STT3A: variants seen among roughly 807,000 people sequenced by gnomAD.
The protein encoded by STT3A is dolichyl-diphosphooligosaccharide--protein glycosyltransferase subunit STT3A.
Under a neutral mutation model 89.2 loss-of-function variants are expected in STT3A, and 34 were observed. That is an observed-to-expected ratio of 0.38 (90% CI 0.29 to 0.51). The LOEUF (loss-of-function observed/expected upper bound fraction) is 0.51, where lower values mean the gene tolerates loss of function less well. STT3A is among the 20% of genes least tolerant of loss of function. STT3A has a pLI of 0.89. For missense variants in STT3A, 555 were observed against 889.5 expected, an observed-to-expected ratio of 0.62 and a Z score of 4.78; for synonymous variants, 282 against 310.3, an observed-to-expected ratio of 0.91 and a Z score of 0.96.
chr11:125,596,089 C>T, intron 2 of STT3A, 86 bp downstream of exon 2: 1 of 1,022,782 alleles, frequency 9.8e-7, no homozygotes, highest in South Asian at 1.4e-5. Context: ...CTTAAAATGC[C>T]TTGTTCTTTT....
intron 10 of STT3A, chr11:125,609,883 T>C: frequency 2.9e-6 from 1 of 340,594 alleles, no homozygotes; most frequent in Non-Finnish European, 5.3e-6. Flanking sequence ...GTTTGAGTAC[T>C]TCTGTCGTAC....
At chr11:125,600,230 A>G (rs1467526770) in intron 3 of STT3A, among the ~76,000 whole-genome samples, 2 of 151,858 alleles carry the variant, frequency 1.3e-5, no homozygotes, top group Non-Finnish European at 2.9e-5. Context: ...TTGTATTTTT[A>G]GTAGAGACAG....
chr11:125,602,177 G>T, intron 3 of STT3A, 126 bp from the exon 4 acceptor site: 2 of 1,133,244 alleles, frequency 1.8e-6, no homozygotes, highest in Admixed American at 2.5e-5. Flanking sequence ...AGTGTAAAAT[G>T]ATTTTCATGG....
At chr11:125,617,300 T>C (rs77506332) in intron 15 of STT3A, among the ~76,000 whole-genome samples, 17,136 of 152,200 alleles carry the variant, frequency 0.11, 1,478 homozygotes, top group African/African-American at 0.24. Context: ...GATACTCTTA[T>C]TTTTCTAATT....
At chr11:125,619,978 G>C (rs769915154) in intron 16 of STT3A, 33 bp from the exon 17 acceptor site, 17 of 1,563,066 alleles carry the variant, frequency 1.1e-5, no homozygotes, top group Non-Finnish European at 1.5e-5. Flanking sequence ...TAGCACTGTA[G>C]AAAGAAGTGT....
intron 9 of STT3A, 45 bp from the exon 10 acceptor site, chr11:125,609,389 G>C (rs1939933684): frequency 2.6e-6 from 4 of 1,529,346 alleles, no homozygotes; most frequent in Non-Finnish European, 3.5e-6. Context: ...TCAGATGTTT[G>C]TTTGAAGAGT....
chr11:125,615,228 T>C (rs1182310325), intron 15 of STT3A, among the ~76,000 whole-genome samples: 1 of 152,058 alleles, frequency 6.6e-6, no homozygotes, highest in African/African-American at 2.4e-5. Flanking sequence ...CATTGCGCCA[T>C]TGGACTCCAG....
intron 10 of STT3A, chr11:125,610,585 T>A (rs951015570): frequency 3.3e-5 from 5 of 152,038 alleles, no homozygotes; most frequent in African/African-American, 1.2e-4. Context: ...GGAATTGTAG[T>A]TCACATCAGT....
At chr11:125,604,110 C>G (rs372789459) in intron 5 of STT3A, 47 bp from the exon 6 acceptor site, 2 of 1,590,454 alleles carry the variant, frequency 1.3e-6, no homozygotes, top group Non-Finnish European at 1.7e-6. Flanking sequence ...TGTTCTTTCT[C>G]AGCATTGTAT....
chr11:125,612,820 G>T (rs988342271), intron 12 of STT3A, 73 bp downstream of exon 12: 2 of 1,566,266 alleles, frequency 1.3e-6, no homozygotes, highest in Admixed American at 3.5e-5. Context: ...TGGGCAGCGG[G>T]GGGTGGGAGG....
chr11:125,604,255 T>C lies in STT3A; in HGVS notation c.508+8T>C, dbSNP rs1939772175. The C allele has an allele frequency of 6.2e-7, 1 of 1,613,326 alleles. No homozygotes were observed. Among genetic ancestry groups the C allele is most frequent in the Admixed American group, 1.7e-5 (1 of 59,992 alleles). ...GCTCCTATGATAATGAAGGTAAGAC[T>C]TTTAAAATGCTGAAGAAGATCATCT... On this transcript the variant is annotated splice_region_variant and intron_variant, in intron 6 of 17. Coordinates refer to ENST00000392708, the MANE Select transcript of STT3A (RefSeq NM_152713.5).
At chr11:125,592,424 A>G, upstream of STT3A, 1 of 456,266 alleles carries the variant, frequency 2.2e-6, no homozygotes, top group South Asian at 1.5e-5. Context: ...CTACCTTAAA[A>G]AAGACGGGAG....
intron 9 of STT3A, 34 bp from the exon 10 acceptor site, chr11:125,609,400 G>T: frequency 6.4e-7 from 1 of 1,564,512 alleles, no homozygotes. Context: ...TTTGAAGAGT[G>T]TGTGTGGAAT....
chr11:125,592,519 A>G, upstream of STT3A: 1 of 454,266 alleles, frequency 2.2e-6, no homozygotes, highest in South Asian at 1.6e-5. Context: ...ACATGACGGG[A>G]GTCAGTGGGC....
chr11:125,615,944 C>T (rs1338750215), intron 15 of STT3A, among the ~76,000 whole-genome samples: 4 of 152,116 alleles, frequency 2.6e-5, no homozygotes, highest in Non-Finnish European at 5.9e-5. Context: ...GAGGCTGAGG[C>T]CAGATAATCA....
chr11:125,606,809 G>C (rs1187521392), intron 8 of STT3A, among the ~76,000 whole-genome samples: 1 of 152,170 alleles, frequency 6.6e-6, no homozygotes, highest in Non-Finnish European at 1.5e-5. Context: ...AGAGATTCCT[G>C]ATCTTAATGG....
intron 6 of STT3A, among the ~76,000 whole-genome samples, chr11:125,605,255 A>G (rs1450953344): frequency 6.6e-6 from 1 of 152,136 alleles, no homozygotes; most frequent in Non-Finnish European, 1.5e-5. Flanking sequence ...CAATTGGGGC[A>G]TGAGTATTAT....
intron 6 of STT3A, 93 bp from the exon 7 acceptor site, chr11:125,605,536 G>A (rs555811271): frequency 1.2e-6 from 1 of 825,016 alleles, no homozygotes; most frequent in African/African-American, 1.7e-5. Context: ...CTATTACTTG[G>A]TAGTAGATCC....
intron 1 of STT3A, among the ~76,000 whole-genome samples, chr11:125,595,571 C>T (rs113641212): frequency 6.6e-6 from 1 of 151,806 alleles, no homozygotes; most frequent in African/African-American, 2.4e-5. Flanking sequence ...ATTTTTTCAT[C>T]TCTTCCTTGT....
Sources: gnomAD v4.1 joint callset for allele counts (sites outside exome capture counted in the v4.1 genomes callset) on GRCh38, gnomAD v4.1.1 for gene constraint, MANE v1.5 for transcripts, NCBI Gene and HGNC (gene_info 2026-07-23, HGNC 2026-07-21) for gene names.